EML5: variants seen among roughly 807,000 people sequenced by gnomAD.
EML5 encodes the protein EMAP like 5.
A neutral mutation model predicts 250.0 loss-of-function variants in EML5; 120 were observed. That is an observed-to-expected ratio of 0.48 (90% CI 0.41 to 0.56). The LOEUF (loss-of-function observed/expected upper bound fraction) is 0.56, where lower values mean the gene tolerates loss of function less well. Among genes scored for constraint, EML5 ranks in the 20% least tolerant of loss-of-function variants. EML5 has a pLI of 0.00. For synonymous variants in EML5, 771 were observed against 806.5 expected, an observed-to-expected ratio of 0.96 and a Z score of 0.75; for missense variants, 2,006 against 2,437.6, an observed-to-expected ratio of 0.82 and a Z score of 3.73.
At chr14:88,671,258 C>A (rs1322607203) in intron 21 of EML5, among the ~76,000 whole-genome samples, 1 of 152,192 alleles carries the variant, frequency 6.6e-6, no homozygotes, top group East Asian at 1.9e-4. Context: ...CAATATTCAA[C>A]ATTCTTAAAG....
intron 31 of EML5, among the ~76,000 whole-genome samples, 186 bp from the exon 32 acceptor site, chr14:88,639,093 C>T (rs1475576669): frequency 1.3e-5 from 2 of 151,944 alleles, no homozygotes; most frequent in Admixed American, 6.6e-5. Context: ...GGGATAGAGC[C>T]GTAAAAGGGA....
At chr14:88,629,408 G>T (rs909500484) in intron 33 of EML5, among the ~76,000 whole-genome samples, 11 of 152,092 alleles carry the variant, frequency 7.2e-5, no homozygotes, top group Admixed American at 6.6e-4. Context: ...AAAACGTATA[G>T]GTACGTAAGG....
chr14:88,704,537 T>C (rs2093279476), intron 13 of EML5, among the ~76,000 whole-genome samples: 1 of 152,202 alleles, frequency 6.6e-6, no homozygotes, highest in African/African-American at 2.4e-5. Context: ...AAGTGACTTG[T>C]TTAAAGTCAC....
At chr14:88,787,821 T>C (rs61982738) in intron 1 of EML5, among the ~76,000 whole-genome samples, 12,974 of 152,084 alleles carry the variant, frequency 0.085, 682 homozygotes, top group Non-Finnish European at 0.12. Flanking sequence ...GCACTACTTC[T>C]ACATATTGCA....
At chr14:88,742,576 C>T (rs1157089642) in intron 4 of EML5, among the ~76,000 whole-genome samples, 1 of 152,086 alleles carries the variant, frequency 6.6e-6, no homozygotes, top group Non-Finnish European at 1.5e-5. Flanking sequence ...TTTAGCTTTA[C>T]TTACAATATA....
intron 2 of EML5, among the ~76,000 whole-genome samples, chr14:88,751,929 A>C (rs2094102491): frequency 6.6e-6 from 1 of 152,200 alleles, no homozygotes; most frequent in African/African-American, 2.4e-5. Flanking sequence ...CAAATATTTA[A>C]ATAAGGAGAT....
At chr14:88,785,901 TA>T (rs898601035) in intron 1 of EML5, among the ~76,000 whole-genome samples, 3 of 152,164 alleles carry the variant, frequency 2.0e-5, no homozygotes, top group African/African-American at 7.2e-5. Context: ...CTATTTTGAT[TA>T]AATAGTTCCA....
chr14:88,646,664 AT>A (rs2091362564), intron 29 of EML5, among the ~76,000 whole-genome samples: 1 of 152,154 alleles, frequency 6.6e-6, no homozygotes, highest in Non-Finnish European at 1.5e-5. Flanking sequence ...ATTTTTATAA[AT>A]ATCATTTATA....
intron 8 of EML5, among the ~76,000 whole-genome samples, chr14:88,720,432 A>C (rs2093572019): frequency 6.6e-6 from 1 of 152,258 alleles, no homozygotes; most frequent in East Asian, 1.9e-4. Context: ...CTTATCCACC[A>C]CAATCAAGGA....
In EML5 at chr14:88,695,233, G is replaced by C; in HGVS notation, c.2438+128C>G. The C allele has an allele frequency of 6.1e-6, 4 of 660,222 alleles. No individual in the cohort carries two copies. In the South Asian group the frequency reaches 8.4e-5, roughly 14 times the overall value. 40.9% of individuals were successfully genotyped at this position (660,222 alleles called of 1,614,324 possible). ...ACTATGATTATATTATTTATTCAAT[G>C]GTAATAAACATGGAAGCAATAAAAA... is the stretch of plus-strand genomic sequence containing the variant. On this transcript the variant is annotated intron_variant, in intron 16 of 43. Coordinates refer to ENST00000554922, the MANE Select transcript of EML5 (RefSeq NM_183387.3).
chr14:88,707,275 T>C (rs55902136), intron 10 of EML5, among the ~76,000 whole-genome samples: 1 of 136,778 alleles, frequency 7.3e-6, no homozygotes, highest in Non-Finnish European at 1.7e-5. Context: ...ATATATTTTA[T>C]TTATTTATTT....
rs139509427 is a variant in EML5 at position 88,730,022 on chromosome 14, A to C, written c.1050-3344T>G. On this transcript the variant is annotated intron_variant, in intron 7 of 43. Transcript: ENST00000554922. The stretch of plus-strand genomic sequence containing the variant: ...AGTACATTACAATTTTCAGTGACAC[A>C]GTTACAACTTGACAGAATTTTGAGG... 3.3e-3 allele frequency among the ~76,000 whole-genome samples: 499 copies of C among 152,212 alleles called. 4 individuals carry two copies. Among genetic ancestry groups the C allele is most frequent in the African/African-American group, 0.012 (479 of 41,522 alleles).
intron 32 of EML5, 47 bp downstream of exon 32, chr14:88,638,762 C>G (rs1307670882): frequency 1.4e-6 from 2 of 1,437,380 alleles, no homozygotes; most frequent in African/African-American, 1.4e-5. Flanking sequence ...TTTATTTGAA[C>G]AAAGCAAATG....
chr14:88,687,987 C>G (rs1407271682), intron 18 of EML5, among the ~76,000 whole-genome samples: 1 of 152,154 alleles, frequency 6.6e-6, no homozygotes, highest in Non-Finnish European at 1.5e-5. Flanking sequence ...AGGAGGATTT[C>G]TTGAGCCCAG....
rs773935431 is a variant in EML5 at position 88,658,367 on chromosome 14, T to A, written c.3697A>T (p.Arg1233Trp). The change falls in exon 26 of 44, where the codon AGG (arginine) becomes TGG (tryptophan). Residue 1233 changes from arginine (R) to tryptophan (W), a missense_variant. Arg to Trp is a moderately radical substitution (Grantham distance 101). Around this residue, in one of 7 missense-constraint regions of EML5, gnomAD observed 1,375 missense variants for 1,590.3 expected, o/e 0.86. Transcript: ENST00000554922. ...PTKGKFGKFK[R>W]YVAHSTHVTN... ...ACATGTGTACTATGGGCCACATACC[T>A]CTTAAACTTTCCAAATTTCCCCTAA... 8 of 1,599,630 alleles carry A rather than the reference T, an allele frequency of 5.0e-6. No individual in the cohort carries two copies. The South Asian group carries it at 9.2e-5, about 18-fold the overall frequency.
At chr14:88,731,512 A>C (rs866910100) in intron 7 of EML5, among the ~76,000 whole-genome samples, 4 of 152,304 alleles carry the variant, frequency 2.6e-5, no homozygotes, top group Middle Eastern at 6.8e-3. Context: ...TATTGTGAAT[A>C]GTGCCACAAT....
chr14:88,711,700 C>T (rs1466710086), intron 10 of EML5, among the ~76,000 whole-genome samples: 2 of 151,998 alleles, frequency 1.3e-5, no homozygotes, highest in South Asian at 2.1e-4. Context: ...TCCTAGTACT[C>T]TGGGAGGCTG....
chr14:88,726,273 C>A (rs1391066653), intron 8 of EML5, among the ~76,000 whole-genome samples: 1 of 152,016 alleles, frequency 6.6e-6, no homozygotes, highest in Non-Finnish European at 1.5e-5. Flanking sequence ...CTTTATAGCT[C>A]AAAATTTTAG....
At position 88,615,799 on chromosome 14, in the gene EML5, G is replaced by T. The variant is rs1473031635; in HGVS notation, c.*19C>A. 3 of 1,607,916 alleles carry T rather than the reference G, an allele frequency of 1.9e-6. No individual in the cohort carries two copies. Among genetic ancestry groups the T allele is most frequent in the African/African-American group, 1.3e-5 (1 of 74,826 alleles). On this transcript the variant is annotated 3_prime_UTR_variant, in exon 44 of 44. Coordinates refer to ENST00000554922, the MANE Select transcript of EML5 (RefSeq NM_183387.3). ...AATTCTGGTCTCAAAGTTAATTTCT[G>T]TAGTCATCTCAGCATCTCTCAGTGA...
Sources: gnomAD v4.1 joint callset for allele counts (sites outside exome capture counted in the v4.1 genomes callset) on GRCh38, gnomAD v4.1.1 for gene constraint, gnomAD v4.1.1 regional missense constraint, MANE v1.5 for transcripts, NCBI Gene and HGNC (gene_info 2026-07-23, HGNC 2026-07-21) for gene names.